Variants in MED13L observed in about 807,000 individuals in gnomAD.
The protein encoded by MED13L is mediator complex subunit 13L.
Under a neutral mutation model 220.9 loss-of-function variants are expected in MED13L, and 7 were observed. That is an observed-to-expected ratio of 0.03 (90% confidence interval 0.02 to 0.06). MED13L has a LOEUF of 0.06. Ranked by LOEUF, MED13L falls within the 10% of genes least tolerant of loss-of-function variation. MED13L has a pLI of 1.00. For missense variants in MED13L, 1,965 were observed against 2,760.5 expected (o/e 0.71, Z 6.46); for synonymous variants, 1,011 against 1,015.2 (o/e 1.00, Z 0.08).
At chr12:116,119,212 A>G (rs1241200779) in intron 2 of MED13L, among the ~76,000 whole-genome samples, 1 of 152,174 alleles carries the variant, frequency 6.6e-6, no homozygotes, top group Admixed American at 6.5e-5. Flanking sequence ...ACAAGGACAT[A>G]CATTCTAACC....
intron 2 of MED13L, chr12:116,232,252 G>T: frequency 3.0e-6 from 1 of 333,662 alleles, no homozygotes; most frequent in Non-Finnish European, 4.3e-6. Flanking sequence ...AACCAATTCA[G>T]AAGACTTCTG....
chr12:116,255,252 T>G (rs1249953287), intron 1 of MED13L, among the ~76,000 whole-genome samples: 1 of 152,192 alleles, frequency 6.6e-6, no homozygotes, highest in African/African-American at 2.4e-5. Context: ...GTCCATTAAT[T>G]TTTAACAAAG....
chr12:116,185,806 G>T (rs997029754), intron 2 of MED13L, among the ~76,000 whole-genome samples: 4 of 151,986 alleles, frequency 2.6e-5, no homozygotes, highest in African/African-American at 9.7e-5. Flanking sequence ...CAATTCTCCT[G>T]CCTCAGCCTC....
At position 116,031,425 on chromosome 12, in the gene MED13L, A is replaced by AAC. The variant is rs573108904; in HGVS notation, c.480-8826_480-8825dup. Reference sequence around the variant, plus strand: ...AAACCCAGTCTTTACTAAAAACACAAACACACACACACAAAAATTAGCCTG... The same window carrying AAC: ...AAACCCAGTCTTTACTAAAAACACAAACACACACACACACAAAAATTAGCCTG... On this transcript the variant is annotated intron_variant, in intron 4 of 30. Transcript: ENST00000281928. 2.0e-4 allele frequency among the ~76,000 whole-genome samples: 31 copies of AAC among 151,388 alleles called. No individual in the cohort carries two copies. The East Asian group carries it at 2.9e-3, about 14-fold the overall frequency.
intron 1 of MED13L, among the ~76,000 whole-genome samples, chr12:116,241,141 T>C (rs1870600114): frequency 1.3e-5 from 2 of 151,440 alleles, no homozygotes; most frequent in Admixed American, 6.6e-5. Flanking sequence ...ATCCCATCTC[T>C]ACTAAAAATA....
At chr12:116,236,302 G>A (rs1209856685) in intron 2 of MED13L, among the ~76,000 whole-genome samples, 4 of 152,078 alleles carry the variant, frequency 2.6e-5, no homozygotes, top group Non-Finnish European at 5.9e-5. Flanking sequence ...CAGACAAATG[G>A]ACCATAAAGT....
At chr12:116,131,527 T>C (rs1199340232) in intron 2 of MED13L, among the ~76,000 whole-genome samples, 4 of 152,184 alleles carry the variant, frequency 2.6e-5, no homozygotes, top group Non-Finnish European at 5.9e-5. Flanking sequence ...AAATAAACTC[T>C]GCATTACGCT....
chr12:116,173,599 G>T (rs1338174390), intron 2 of MED13L, among the ~76,000 whole-genome samples: 1 of 152,064 alleles, frequency 6.6e-6, no homozygotes, highest in East Asian at 1.9e-4. Flanking sequence ...TGCAACAGTG[G>T]TAAAAGCATT....
intron 30 of MED13L, among the ~76,000 whole-genome samples, chr12:115,961,870 C>A (rs1458461212): frequency 1.3e-5 from 2 of 151,946 alleles, no homozygotes; most frequent in Non-Finnish European, 2.9e-5. Context: ...ACTTGGGAGG[C>A]TGAGGCAGGA....
intron 1 of MED13L, among the ~76,000 whole-genome samples, chr12:116,266,948 T>G (rs1049020728): frequency 1.1e-4 from 16 of 152,248 alleles, no homozygotes; most frequent in African/African-American, 3.9e-4. Flanking sequence ...GAGTTCTCTC[T>G]GTTCAAAACA....
rs1879920355 is a variant in MED13L at position 116,174,692 on chromosome 12, T to G, written c.310+62776A>C. The stretch of plus-strand genomic sequence containing the variant: ...GCTGCCAACACCTATCTGAACAGAT[T>G]ACAAATTTAGCTTCTAGAGTTGTCT... On this transcript the variant is annotated intron_variant, in intron 2 of 30. Coordinates refer to ENST00000281928, the MANE Select transcript of MED13L (RefSeq NM_015335.5). The G allele has an allele frequency of 2.0e-5, 3 of 152,316 alleles. No individual in the cohort carries two copies. The South Asian group carries it at 6.2e-4, about 32-fold the overall frequency. 9.4% of individuals were successfully genotyped at this position (152,316 alleles called of 1,614,324 possible). A position where few individuals can be genotyped will look rare whatever the true frequency, so the allele number is the denominator to read the frequency against.
chr12:116,007,651 A>AAG lies in MED13L; in HGVS notation c.2013-16_2013-15insCT. 1 of 1,566,248 alleles carries AAG rather than the reference A, an allele frequency of 6.4e-7. No individual in the cohort carries two copies. Among genetic ancestry groups the AAG allele is most frequent in the Non-Finnish European group, 8.7e-7 (1 of 1,153,236 alleles). On this transcript the variant is annotated splice_polypyrimidine_tract_variant and intron_variant, in intron 10 of 30. Transcript: ENST00000281928. Reference sequence around the variant, plus strand: ...GTGCTAAGAGTCTAAAAGACAAAAAAAAAAAAAAAAAAAAGAGCATTTATG... The same window carrying AAG: ...GTGCTAAGAGTCTAAAAGACAAAAAAAGAAAAAAAAAAAAAAGAGCATTTATG...
At chr12:116,164,664 G>GTCAGC (rs1340308330) in intron 2 of MED13L, among the ~76,000 whole-genome samples, 2 of 152,118 alleles carry the variant, frequency 1.3e-5, no homozygotes, top group African/African-American at 2.4e-5. Context: ...ACCATGGATT[G>GTCAGC]ACCACTGACA....
At chr12:116,061,923 G>T (rs551198368) in intron 4 of MED13L, among the ~76,000 whole-genome samples, 248 of 150,942 alleles carry the variant, frequency 1.6e-3, no homozygotes, top group Non-Finnish European at 2.9e-3. Context: ...CAGGAGAATG[G>T]CGTGAACCCG....
At chr12:116,074,025 T>A (rs1279684621) in intron 4 of MED13L, among the ~76,000 whole-genome samples, 1 of 152,224 alleles carries the variant, frequency 6.6e-6, no homozygotes, top group Non-Finnish European at 1.5e-5. Context: ...TCACGATTTA[T>A]TATTAATATG....
chr12:116,207,216 G>T (rs910891079), intron 2 of MED13L, among the ~76,000 whole-genome samples: 1 of 151,736 alleles, frequency 6.6e-6, no homozygotes, highest in Non-Finnish European at 1.5e-5. Flanking sequence ...GCCCAAACTG[G>T]TCTCAAACTC....
At chr12:116,220,587 T>C (rs1001149638) in intron 2 of MED13L, among the ~76,000 whole-genome samples, 6 of 152,256 alleles carry the variant, frequency 3.9e-5, no homozygotes, top group African/African-American at 1.4e-4. Context: ...TAATCCCAGC[T>C]ACTTGGGAGG....
intron 4 of MED13L, among the ~76,000 whole-genome samples, chr12:116,056,542 TA>T (rs1235795092): frequency 3.9e-5 from 6 of 152,170 alleles, no homozygotes; most frequent in Non-Finnish European, 8.8e-5. Flanking sequence ...GATTTATGAA[TA>T]AAATTTCTTT....
Position 116,084,771 on chromosome 12 carries a change from C to T in MED13L, c.479+11898G>A, listed in dbSNP as rs573645720. On this transcript the variant is annotated intron_variant, in intron 4 of 30. Transcript: ENST00000281928. ...CCTGGGTGACAGAGCAGGACCCTGT[C>T]GCCAAAAAAAAAAAAAAAGAAGTAG... 2.4e-3 allele frequency among the ~76,000 whole-genome samples: 347 copies of T among 144,778 alleles called. 1 individual carries two copies. Among genetic ancestry groups the T allele is most frequent in the Admixed American group, 3.3e-3 (48 of 14,354 alleles). The allele number at this position is 144,778 out of a possible 152,430, so 95.0% of individuals were successfully genotyped here. A position where few individuals can be genotyped will look rare whatever the true frequency, so the allele number is the denominator to read the frequency against.
Sources: gnomAD v4.1 joint callset for allele counts (sites outside exome capture counted in the v4.1 genomes callset) on GRCh38, gnomAD v4.1.1 for gene constraint, MANE v1.5 for transcripts, NCBI Gene and HGNC (gene_info 2026-07-23, HGNC 2026-07-21) for gene names.